The following ALPK1 variants were observed in gnomAD, a reference collection of about 807,000 sequenced individuals.
The protein encoded by ALPK1 is alpha kinase 1.
ALPK1 carries 110 observed loss-of-function variants against 120.6 expected under a neutral mutation model. The observed-to-expected ratio is 0.91, with a 90% CI of 0.78 to 1.07. ALPK1 has a LOEUF of 1.07. ALPK1 is among the 50% of genes least tolerant of loss of function. ALPK1 has a pLI of 0.00. For missense variants in ALPK1, 1,498 were observed against 1,483.9 expected (o/e 1.01, Z -0.16); for synonymous variants, 582 against 560.3 (o/e 1.04, Z -0.55).
chr4:112,347,852 T>TA (rs36013647), intron 2 of ALPK1, among the ~76,000 whole-genome samples: 44,575 of 152,138 alleles, frequency 0.29, 6,913 homozygotes, highest in Middle Eastern at 0.38. Context: ...GTGTAAAAGC[T>TA]AATATGTTTC....
intron 1 of ALPK1, among the ~76,000 whole-genome samples, chr4:112,303,575 G>T (rs1392611061): frequency 6.6e-6 from 1 of 152,134 alleles, no homozygotes; most frequent in African/African-American, 2.4e-5. Flanking sequence ...ACCATACCGT[G>T]ATCTCCTCCG....
rs759431854 is a variant in ALPK1, at chr4:112,377,817, T to C, written c.40T>C (p.Cys14Arg). The C allele has an allele frequency of 6.2e-7, 1 of 1,612,876 alleles. No individual in the cohort carries two copies. The highest frequency in any genetic ancestry group is 2.2e-5 in the East Asian group (1 of 44,810). Residue 14 changes from cysteine to arginine, a missense_variant, in exon 3 of 16, where the codon TGC becomes CGC. By Grantham distance (180) the Cys-to-Arg change is radical (BLOSUM62 -3). Transcript: ENST00000650871. The stretch of plus-strand genomic sequence containing the variant: ...AGTGGTAGCTGTGCTACTGCAAGAG[T>C]GCAAGCAAGTGCTGGATCAGCTCTT... ...QKVVAVLLQE[C>R]KQVLDQLLLE...
At chr4:112,382,248 A>C in intron 3 of ALPK1, 150 bp from the exon 4 acceptor site, 1 of 977,920 alleles carries the variant, frequency 1.0e-6, no homozygotes, top group Non-Finnish European at 1.5e-6. Flanking sequence ...CAGAACCAAC[A>C]GCTTAGACCA....
intron 1 of ALPK1, among the ~76,000 whole-genome samples, chr4:112,298,181 A>G (rs1727626488): frequency 6.6e-6 from 1 of 152,186 alleles, no homozygotes; most frequent in South Asian, 2.1e-4. Flanking sequence ...GGGTGAGGGT[A>G]CAAACAGGCA....
intron 13 of ALPK1, among the ~76,000 whole-genome samples, chr4:112,439,367 T>A (rs573404706): frequency 6.6e-6 from 1 of 152,174 alleles, no homozygotes; most frequent in African/African-American, 2.4e-5. Context: ...ATGATCTAAC[T>A]TCATGTCCTG....
chr4:112,396,333 C>T (rs1443048857), intron 4 of ALPK1, among the ~76,000 whole-genome samples: 1 of 152,144 alleles, frequency 6.6e-6, no homozygotes, highest in Non-Finnish European at 1.5e-5. Context: ...GTATTTCCCC[C>T]TCTCATTATG....
intron 4 of ALPK1, 48 bp downstream of exon 4, chr4:112,382,600 A>G: frequency 6.2e-7 from 1 of 1,613,638 alleles, no homozygotes; most frequent in South Asian, 1.1e-5. Flanking sequence ...CAAGTGAGGC[A>G]TTTAGACTCT....
At chr4:112,312,614 C>T (rs962910602) in intron 1 of ALPK1, among the ~76,000 whole-genome samples, 1 of 152,182 alleles carries the variant, frequency 6.6e-6, no homozygotes, top group Non-Finnish European at 1.5e-5. Flanking sequence ...AGCATGGAGA[C>T]TCTTTAAGAT....
chr4:112,432,336 G>T lies in ALPK1; in HGVS notation c.2789G>T (p.Trp930Leu), dbSNP rs1734603664. Residue 930 changes from tryptophan to leucine, a missense_variant, in exon 11 of 16, where the codon TGG (tryptophan) becomes TTG (leucine). Trp to Leu is a moderately conservative substitution (Grantham distance 61, BLOSUM62 -2). Transcript: ENST00000650871. ...CSQNSSSSSV[W>L]WLKSPAFSSG... ...CAGAACTCCAGCTCATCCTCAGTGT[G>T]GTGGCTGAAATCACCTGCATTTTCC... is the stretch of plus-strand genomic sequence containing the variant. The T allele has an allele frequency of 6.2e-7, 1 of 1,614,064 alleles. No individual in the cohort carries two copies. The highest frequency in any genetic ancestry group is 1.3e-5 in the African/African-American group (1 of 74,916).
chr4:112,428,556 G>GT (rs1560684356), intron 9 of ALPK1, among the ~76,000 whole-genome samples: 1 of 152,126 alleles, frequency 6.6e-6, no homozygotes, highest in African/African-American at 2.4e-5. Flanking sequence ...CCTGATGACC[G>GT]TTTAAAATTG....
At chr4:112,319,634 A>G (rs1728780508) in intron 2 of ALPK1, among the ~76,000 whole-genome samples, 2 of 152,212 alleles carry the variant, frequency 1.3e-5, no homozygotes, top group South Asian at 4.1e-4. Context: ...TGCTTTTGGC[A>G]GTATGGTTAT....
At chr4:112,357,891 G>T in intron 2 of ALPK1, 4 of 1,152,380 alleles carry the variant, frequency 3.5e-6, no homozygotes, top group Non-Finnish European at 5.2e-6. Context: ...TGTTTGTGGA[G>T]CCCAGGAGCA....
chr4:112,362,280 T>A (rs1730949234), intron 2 of ALPK1, among the ~76,000 whole-genome samples: 1 of 152,186 alleles, frequency 6.6e-6, no homozygotes. Context: ...GGTCGATTAT[T>A]AAGCCAATCA....
At chr4:112,324,313 C>G (rs1460748304) in intron 2 of ALPK1, among the ~76,000 whole-genome samples, 1 of 137,434 alleles carries the variant, frequency 7.3e-6, no homozygotes, top group Non-Finnish European at 1.5e-5. Context: ...GGTGACAGAG[C>G]AAGACTCCAT....
chr4:112,335,666 ACT>A (rs914903740), intron 2 of ALPK1, among the ~76,000 whole-genome samples: 5 of 152,242 alleles, frequency 3.3e-5, no homozygotes, highest in Admixed American at 6.5e-5. Flanking sequence ...AAAAAATATA[ACT>A]CTTTATATTT....
chr4:112,388,461 C>T (rs1732249313), intron 4 of ALPK1, among the ~76,000 whole-genome samples: 1 of 152,126 alleles, frequency 6.6e-6, no homozygotes, highest in African/African-American at 2.4e-5. Context: ...AAAAGATGTC[C>T]TTAAAACTAA....
At chr4:112,332,320 A>G (rs1729418885) in intron 2 of ALPK1, among the ~76,000 whole-genome samples, 1 of 152,228 alleles carries the variant, frequency 6.6e-6, no homozygotes, top group African/African-American at 2.4e-5. Flanking sequence ...ACTGGACGCA[A>G]GAAGGTACAG....
chr4:112,441,273 A>G lies in ALPK1; in HGVS notation c.*63A>G. The stretch of plus-strand genomic sequence containing the variant: ...GCCGTGACACAGGTTCTGGCCAATG[A>G]TTTGCAAGAGGAATTGATCAGTATC... On this transcript the variant is annotated 3_prime_UTR_variant, in exon 16 of 16. Coordinates refer to ENST00000650871, the MANE Select transcript of ALPK1 (RefSeq NM_025144.4). The G allele has an allele frequency of 9.1e-7, 1 of 1,099,950 alleles. No homozygotes were observed. The highest frequency in any genetic ancestry group is 1.4e-6 in the Non-Finnish European group (1 of 710,540). 68.1% of individuals were successfully genotyped at this position (1,099,950 alleles called of 1,614,324 possible). A position where few individuals can be genotyped will look rare whatever the true frequency, so the allele number is the denominator to read the frequency against.
chr4:112,405,951 T>C (rs1733154393), intron 4 of ALPK1, among the ~76,000 whole-genome samples: 2 of 152,052 alleles, frequency 1.3e-5, no homozygotes, highest in African/African-American at 4.8e-5. Flanking sequence ...AAGCAGAAGA[T>C]GAACTGATGC....
Sources: gnomAD v4.1 joint callset for allele counts (sites outside exome capture counted in the v4.1 genomes callset) on GRCh38, gnomAD v4.1.1 for gene constraint, MANE v1.5 for transcripts, NCBI Gene and HGNC (gene_info 2026-07-23, HGNC 2026-07-21) for gene names.